The following TRIM37 variants were observed in gnomAD, a reference collection of about 807,000 sequenced individuals.
TRIM37 encodes the protein E3 ubiquitin-protein ligase TRIM37.
TRIM37 carries 80 observed loss-of-function variants against 129.8 expected under a neutral mutation model. That is an observed-to-expected ratio of 0.62 (90% CI 0.51 to 0.74). The LOEUF is 0.74. TRIM37 is among the 30% of genes least tolerant of loss of function. The probability of loss-of-function intolerance (pLI) is 0.00; values close to 1 mark genes in which losing one functional copy is unlikely to be tolerated. For missense variants in TRIM37, 1,054 were observed against 1,176.5 expected (o/e 0.90, Z 1.52); for synonymous variants, 389 against 387.1 (o/e 1.00, Z -0.06).
intron 23 of TRIM37, among the ~76,000 whole-genome samples, chr17:59,000,785 GTAGGC>G (rs1567934025): frequency 6.6e-6 from 1 of 152,076 alleles, no homozygotes; most frequent in Non-Finnish European, 1.5e-5. Context: ...TTATCTTACA[GTAGGC>G]TAGAAAAGGA....
chr17:59,069,280 G>A (rs2042173629), intron 9 of TRIM37, among the ~76,000 whole-genome samples: 1 of 152,026 alleles, frequency 6.6e-6, no homozygotes, highest in Non-Finnish European at 1.5e-5. Flanking sequence ...CCGGGAGGTG[G>A]AGGTTGCAGT....
intron 19 of TRIM37, among the ~76,000 whole-genome samples, chr17:59,025,160 A>C (rs140448636): frequency 6.6e-6 from 1 of 152,278 alleles, no homozygotes; most frequent in East Asian, 1.9e-4. Context: ...ATATTGCATC[A>C]TATTTCAAAA....
chr17:58,993,085 T>C (rs527324113), intron 24 of TRIM37, among the ~76,000 whole-genome samples: 1 of 152,292 alleles, frequency 6.6e-6, no homozygotes, highest in African/African-American at 2.4e-5. Context: ...TGTGCTGTTT[T>C]TGTAATACTG....
At chr17:59,064,222 T>C (rs1475873316) in intron 10 of TRIM37, 133 bp downstream of exon 10, 7 of 712,542 alleles carry the variant, frequency 9.8e-6, no homozygotes, top group African/African-American at 1.8e-5. Flanking sequence ...ACATTTCTAA[T>C]AGGAAACTTA....
intron 12 of TRIM37, 147 bp downstream of exon 12, chr17:59,060,885 T>C: frequency 1.6e-6 from 1 of 614,748 alleles, no homozygotes; most frequent in Non-Finnish European, 2.9e-6. Context: ...TTTAGAAAAA[T>C]ACCATCCTAT....
In TRIM37 at chr17:59,104,314, C is replaced by T. The variant is rs202245230; in HGVS notation, c.102G>A (p.Leu34=). 2.4e-5 allele frequency: 38 copies of T among 1,614,178 alleles called. No homozygotes were observed. The East Asian group carries it at 2.5e-4, about 10-fold the overall frequency. Residue 34 remains leucine (L), a synonymous_variant, in exon 2 of 24, where the codon CTG becomes CTA. Coordinates refer to ENST00000262294, the MANE Select transcript of TRIM37 (RefSeq NM_015294.6). ...TTACCCTAATACAGCTGAAACAACACAGTTTGGAGCAATGAGGACACAGGC... is the reference window on the plus strand; with the variant it reads ...TTACCCTAATACAGCTGAAACAACATAGTTTGGAGCAATGAGGACACAGGC... ...DARLCPHCSK[L]CCFSCIRRWL...
downstream of TRIM37, among the ~76,000 whole-genome samples, chr17:58,979,021 T>C (rs943268943): frequency 1.2e-4 from 19 of 152,152 alleles, no homozygotes; most frequent in Admixed American, 2.6e-4. Flanking sequence ...GTTCCCTCAA[T>C]TGAGGCAACT....
chr17:58,991,069 G>A (rs1598750845), intron 24 of TRIM37, among the ~76,000 whole-genome samples: 1 of 151,454 alleles, frequency 6.6e-6, no homozygotes, highest in South Asian at 2.1e-4. Context: ...CAGCTACTCA[G>A]GAGGCTGAGG....
At chr17:59,020,389 A>AG (rs1032435789) in intron 19 of TRIM37, among the ~76,000 whole-genome samples, 2 of 151,766 alleles carry the variant, frequency 1.3e-5, no homozygotes, top group African/African-American at 4.8e-5. Context: ...AAATCAAAGG[A>AG]GAAAAAAAAA....
chr17:59,036,354 T>G (rs1279185853), intron 17 of TRIM37, among the ~76,000 whole-genome samples: 1 of 152,102 alleles, frequency 6.6e-6, no homozygotes, highest in Non-Finnish European at 1.5e-5. Flanking sequence ...TTAAAAAAAA[T>G]TTGTGCTAAA....
At chr17:59,102,534 T>G (rs530597368) in intron 2 of TRIM37, among the ~76,000 whole-genome samples, 48 of 152,354 alleles carry the variant, frequency 3.2e-4, no homozygotes, top group Middle Eastern at 3.4e-3. Flanking sequence ...CAAGTAGATA[T>G]AGTATTTCAT....
At chr17:58,986,981 G>A (rs1021913852) in intron 24 of TRIM37, among the ~76,000 whole-genome samples, 64 of 152,122 alleles carry the variant, frequency 4.2e-4, no homozygotes, top group African/African-American at 1.4e-3. Context: ...AGTAAGAAGC[G>A]CTCTTCCCTG....
intron 17 of TRIM37, among the ~76,000 whole-genome samples, chr17:59,039,005 A>G (rs565825217): frequency 3.3e-5 from 5 of 152,276 alleles, no homozygotes; most frequent in African/African-American, 1.2e-4. Context: ...GGAGTCGCCA[A>G]CCATGGACTG....
At chr17:59,057,305 T>C (rs537260811) in intron 12 of TRIM37, among the ~76,000 whole-genome samples, 26 of 152,254 alleles carry the variant, frequency 1.7e-4, no homozygotes, top group Middle Eastern at 3.4e-3. Flanking sequence ...ATCCTCTGAC[T>C]CCAGGTTCAA....
At position 59,004,290 on chromosome 17, in the gene TRIM37, AT is replaced by A. The variant is rs1166804211; in HGVS notation, c.2696-2577del. ...TCTGAATTAAATACAAATAAAACAT[AT>A]CAAAATTTGTGGGATGTGACTATAG... is the stretch of plus-strand genomic sequence containing the variant. On this transcript the variant is annotated intron_variant, in intron 22 of 23. Transcript: ENST00000262294. Among the ~76,000 whole-genome samples the A allele has an allele frequency of 3.3e-5, 5 of 152,304 alleles. No homozygotes were observed. The East Asian group carries it at 9.6e-4, about 29-fold the overall frequency.
At chr17:59,084,135 A>G (rs1375840504) in intron 4 of TRIM37, 46 bp from the exon 5 acceptor site, 1 of 1,443,534 alleles carries the variant, frequency 6.9e-7, no homozygotes, top group Admixed American at 1.7e-5. Context: ...AAATTGGAAC[A>G]TAATCACCTC....
chr17:59,033,768 T>C (rs540760641), intron 17 of TRIM37, among the ~76,000 whole-genome samples: 11 of 152,040 alleles, frequency 7.2e-5, no homozygotes, highest in African/African-American at 2.4e-4. Flanking sequence ...TTGGGTTGTA[T>C]GTCAGTCAGC....
At chr17:59,047,911 T>C (rs2039978830) in intron 15 of TRIM37, 92 bp from the exon 16 acceptor site, 2 of 1,490,510 alleles carry the variant, frequency 1.3e-6, no homozygotes, top group Admixed American at 3.4e-5. Flanking sequence ...CACCAAAGAA[T>C]AATACAGTTT....
Position 58,998,801 on chromosome 17 carries a change from C to T in TRIM37, c.*576G>A. The T allele has an allele frequency of 1.0e-6, 1 of 987,784 alleles. No individual in the cohort carries two copies. The highest frequency in any genetic ancestry group is 1.2e-6 in the Non-Finnish European group (1 of 831,434). 61.2% of individuals were successfully genotyped at this position (987,784 alleles called of 1,614,324 possible). On this transcript the variant is annotated 3_prime_UTR_variant, in exon 24 of 24. Transcript: ENST00000262294. The stretch of plus-strand genomic sequence containing the variant: ...CATGCGGTTGAACAGTGTGCCTGTA[C>T]TTGAACAAGTGAGAGAAGATACATA...
Sources: allele counts gnomAD v4.1 joint callset (sites outside exome capture counted in the v4.1 genomes callset), GRCh38; gene constraint gnomAD v4.1.1; transcripts MANE v1.5; gene names NCBI Gene and HGNC (gene_info 2026-07-23, HGNC 2026-07-21).